The following SENP5 variants were observed in gnomAD, a reference collection of about 807,000 sequenced individuals.
SENP5 encodes the protein sentrin-specific protease 5.
In SENP5, 21 loss-of-function variants were observed where a neutral mutation model predicts 74.2. The observed-to-expected ratio is 0.28, with a 90% confidence interval of 0.20 to 0.41. The LOEUF is 0.41. Ranked by LOEUF, SENP5 falls within the 10% of genes least tolerant of loss-of-function variation. SENP5 has a pLI of 1.00. For missense variants in SENP5, 717 were observed against 889.1 expected, an observed-to-expected ratio of 0.81 and a Z score of 2.46; for synonymous variants, 311 against 312.7, an observed-to-expected ratio of 0.99 and a Z score of 0.06.
At chr3:196,900,454 T>C (rs763691932) in intron 5 of SENP5, 42 bp downstream of exon 5, 1 of 1,501,936 alleles carries the variant, frequency 6.7e-7, no homozygotes, top group East Asian at 2.3e-5. Flanking sequence ...AGTGTTCTTG[T>C]GTATTAAAAT....
intron 2 of SENP5, among the ~76,000 whole-genome samples, chr3:196,896,380 A>C (rs566839584): frequency 4.6e-5 from 7 of 152,314 alleles, no homozygotes; most frequent in African/African-American, 1.7e-4. Context: ...TCTTAGTTCT[A>C]CCATATGCTA....
rs1715951961 is a variant in SENP5 at position 196,929,692 on chromosome 3, A to G, written c.2157+9A>G. The G allele has an allele frequency of 1.2e-6, 2 of 1,602,160 alleles. No individual in the cohort carries two copies. Among genetic ancestry groups the G allele is most frequent in the African/African-American group, 2.7e-5 (2 of 74,626 alleles). On this transcript the variant is annotated intron_variant, in intron 9 of 9. Coordinates refer to ENST00000323460, the MANE Select transcript of SENP5 (RefSeq NM_152699.5). Reference sequence around the variant, plus strand: ...GAGTCTTTGTGCTCCAGGTAAAGAAACACTTGCTTTTCGGAACTTACAATG... The same window carrying G: ...GAGTCTTTGTGCTCCAGGTAAAGAAGCACTTGCTTTTCGGAACTTACAATG...
Position 196,879,236 on chromosome 3 carries a change from G to A in SENP5, c.-31-5915G>A, listed in dbSNP as rs1713617766. ...AGGTTGAGGTGGTATGGAGTATCTG[G>A]TTGAGAAGCACTGGGTTAGATCAGT... is the stretch of plus-strand genomic sequence containing the variant. On this transcript the variant is annotated intron_variant, in intron 1 of 9. Transcript: ENST00000323460. 2.0e-5 allele frequency among the ~76,000 whole-genome samples: 3 copies of A among 152,176 alleles called. No individual in the cohort carries two copies. In the South Asian group the frequency reaches 6.2e-4, roughly 32 times the overall value.
rs764070923 is a variant in SENP5 at position 196,927,799 on chromosome 3, A to G, written c.2026A>G (p.Ile676Val). Residue 676 changes from isoleucine to valine, a missense_variant, in exon 8 of 10, where the codon ATA becomes GTA. Transcript: ENST00000323460. ...GTTGTGGTTTCTTTTTAACCAGAATATAAGAAAGTATTTGCTGACTGAAGC... is the reference window on the plus strand; with the variant it reads ...GTTGTGGTTTCTTTTTAACCAGAATGTAAGAAAGTATTTGCTGACTGAAGC... ...GIHFKFCVEN[I>V]RKYLLTEARE... 2 of 1,598,154 alleles carry G rather than the reference A, an allele frequency of 1.3e-6. No homozygotes were observed. The highest frequency in any genetic ancestry group is 8.6e-7 in the Non-Finnish European group (1 of 1,165,562).
intron 9 of SENP5, among the ~76,000 whole-genome samples, chr3:196,930,353 G>A (rs1715990783): frequency 6.6e-6 from 1 of 152,186 alleles, no homozygotes; most frequent in African/African-American, 2.4e-5. Context: ...GCTTTTCACA[G>A]TATTGGGTCA....
intron 7 of SENP5, among the ~76,000 whole-genome samples, chr3:196,926,219 C>G (rs1577849114): frequency 6.6e-6 from 1 of 152,184 alleles, no homozygotes; most frequent in Non-Finnish European, 1.5e-5. Flanking sequence ...CAGGGTGGCT[C>G]ACGCCTGTGA....
intron 2 of SENP5, among the ~76,000 whole-genome samples, chr3:196,895,190 C>CT (rs35820067): frequency 0.019 from 2,384 of 123,056 alleles, 66 homozygotes; most frequent in African/African-American, 0.058. Flanking sequence ...CTTTTAACTT[C>CT]TTTTTTTTTT....
At position 196,926,493 on chromosome 3, in the gene SENP5, A is replaced by AG. The variant is rs557476621; in HGVS notation, c.2023-1303_2023-1302insG. On this transcript the variant is annotated intron_variant, in intron 7 of 9. Coordinates refer to ENST00000323460, the MANE Select transcript of SENP5 (RefSeq NM_152699.5). ...CAAGACTCCGTCTCAAAAAAAAAAA[A>AG]AAAAGAATTTATATATACTGCTTAT... 3.5e-3 allele frequency among the ~76,000 whole-genome samples: 529 copies of AG among 152,174 alleles called. 2 individuals are homozygous for AG. Among genetic ancestry groups the AG allele is most frequent in the Non-Finnish European group, 6.5e-3 (445 of 67,988 alleles).
At chr3:196,930,256 C>G (rs1226264347) in intron 9 of SENP5, among the ~76,000 whole-genome samples, 1 of 152,102 alleles carries the variant, frequency 6.6e-6, no homozygotes, top group Non-Finnish European at 1.5e-5. Flanking sequence ...TAAACAAATT[C>G]AAGTTCCCAT....
At chr3:196,894,125 T>G in intron 2 of SENP5, among the ~76,000 whole-genome samples, 1 of 147,900 alleles carries the variant, frequency 6.8e-6, no homozygotes, top group Non-Finnish European at 1.5e-5. Context: ...GGTTTTTTTT[T>G]TTTTTTTTTT....
Position 196,903,617 on chromosome 3 carries a change from T to A in SENP5, c.1884+7T>A. 6.5e-7 allele frequency: 1 copy of A among 1,541,554 alleles called. No homozygotes were observed. The highest frequency in any genetic ancestry group is 8.8e-7 in the Non-Finnish European group (1 of 1,130,238). On this transcript the variant is annotated splice_region_variant and intron_variant, in intron 6 of 9. Coordinates refer to ENST00000323460, the MANE Select transcript of SENP5 (RefSeq NM_152699.5). ...AAAAAGATGGACTAAAAAGGTATTC[T>A]CTTTATTTCTTTTTTATTCCAAATT... is the stretch of plus-strand genomic sequence containing the variant.
intron 2 of SENP5, among the ~76,000 whole-genome samples, chr3:196,892,607 A>G (rs1714257770): frequency 6.6e-6 from 1 of 152,202 alleles, no homozygotes; most frequent in Non-Finnish European, 1.5e-5. Context: ...TTTTCAAGAC[A>G]CAGTACATTA....
Position 196,918,044 on chromosome 3 carries a change from T to G in SENP5, c.1885-5370T>G, listed in dbSNP as rs530993585. Among the ~76,000 whole-genome samples the G allele has an allele frequency of 9.5e-4, 142 of 149,304 alleles. 1 individual carries two copies. The highest frequency in any genetic ancestry group is 2.6e-3 in the African/African-American group (102 of 39,210). On this transcript the variant is annotated intron_variant, in intron 6 of 9. Transcript: ENST00000323460. Reference sequence around the variant, plus strand: ...AGAAACAATGGCCGGGCACGGTGGCTCACACCTGTAATCCCAGCACTTTGG... The same window carrying G: ...AGAAACAATGGCCGGGCACGGTGGCGCACACCTGTAATCCCAGCACTTTGG...
intron 1 of SENP5, among the ~76,000 whole-genome samples, chr3:196,871,855 CAAAAAAAAA>C (rs10714946): frequency 8.5e-5 from 9 of 105,840 alleles, no homozygotes; most frequent in African/African-American, 3.0e-4. Context: ...ACTCCATCTC[CAAAAAAAAA>C]AAAAAAAATA....
At chr3:196,903,939 T>C (rs1714801520) in intron 6 of SENP5, among the ~76,000 whole-genome samples, 1 of 152,268 alleles carries the variant, frequency 6.6e-6, no homozygotes, top group Non-Finnish European at 1.5e-5. Context: ...TTGTCCCAGC[T>C]ACTTGGGATG....
chr3:196,919,860 G>T (rs540324558), intron 6 of SENP5, among the ~76,000 whole-genome samples: 46 of 149,292 alleles, frequency 3.1e-4, no homozygotes, highest in African/African-American at 1.0e-3. Flanking sequence ...CAATTTCATT[G>T]CTTTGGCACC....
At chr3:196,903,491 G>T in intron 5 of SENP5, 42 bp from the exon 6 acceptor site, 1 of 1,301,502 alleles carries the variant, frequency 7.7e-7, no homozygotes, top group Admixed American at 2.1e-5. Flanking sequence ...TCTGGGCACA[G>T]CCTAATATAA....
rs1036524640 is a variant in SENP5 at position 196,910,582 on chromosome 3, G to A, written c.1884+6972G>A. On this transcript the variant is annotated intron_variant, in intron 6 of 9. Transcript: ENST00000323460. ...AGGATGGTCTCGATGTCCTGACCTC[G>A]TGATCCGCCTGCCTCGGCCTTCCAG... is the stretch of plus-strand genomic sequence containing the variant. Among the ~76,000 whole-genome samples the A allele has an allele frequency of 5.3e-5, 8 of 151,896 alleles. No homozygotes were observed. In the East Asian group the frequency reaches 1.2e-3, roughly 22 times the overall value.
intron 2 of SENP5, among the ~76,000 whole-genome samples, chr3:196,894,964 C>T (rs1387633999): frequency 1.3e-5 from 2 of 152,148 alleles, no homozygotes; most frequent in East Asian, 1.9e-4. Context: ...TTAGGTTTTG[C>T]GCATTGCTTA....
Sources: gnomAD v4.1 joint callset for allele counts (sites outside exome capture counted in the v4.1 genomes callset) on GRCh38, gnomAD v4.1.1 for gene constraint, MANE v1.5 for transcripts, NCBI Gene and HGNC (gene_info 2026-07-23, HGNC 2026-07-21) for gene names.